NBAS: variants seen among roughly 807,000 people sequenced by gnomAD.
NBAS encodes NAG/BC035112 fusion.
A neutral mutation model predicts 302.5 loss-of-function variants in NBAS; 219 were observed. That is an observed-to-expected ratio of 0.72 (90% CI 0.65 to 0.81). The LOEUF is 0.81. Ranked by LOEUF, NBAS falls within the 30% of genes least tolerant of loss-of-function variation. The probability of loss-of-function intolerance (pLI) is 0.00; values close to 1 mark genes in which losing one functional copy is unlikely to be tolerated. For missense variants in NBAS, 2,932 were observed against 2,841.6 expected (o/e 1.03, Z -0.72); for synonymous variants, 1,118 against 1,021.6 (o/e 1.09, Z -1.80).
chr2:15,262,983 C>T (rs953932636), intron 44 of NBAS, among the ~76,000 whole-genome samples: 32 of 152,162 alleles, frequency 2.1e-4, no homozygotes, highest in African/African-American at 7.7e-4. Flanking sequence ...CACACATGCC[C>T]ACATTGCAGT....
At chr2:15,435,137 G>C (rs1677949346) in intron 21 of NBAS, among the ~76,000 whole-genome samples, 1 of 152,150 alleles carries the variant, frequency 6.6e-6, no homozygotes, top group Admixed American at 6.5e-5. Flanking sequence ...TTGTATCAGT[G>C]TTCATTATAA....
At chr2:14,935,936 C>G in the NBAS span, among the ~76,000 whole-genome samples, 2 of 152,202 alleles carry the variant, frequency 1.3e-5, no homozygotes, top group South Asian at 2.1e-4. Context: ...CAGAGTATGG[C>G]ACCAAGCAGG....
At chr2:15,028,030 T>C in the NBAS span, among the ~76,000 whole-genome samples, 5 of 152,328 alleles carry the variant, frequency 3.3e-5, no homozygotes, top group East Asian at 7.7e-4. Flanking sequence ...CTGGGACTTA[T>C]TGACTAATAT....
chr2:15,523,456 A>AC (rs1662774046), intron 9 of NBAS, among the ~76,000 whole-genome samples: 1 of 91,244 alleles, frequency 1.1e-5, no homozygotes, highest in African/African-American at 3.7e-5. Context: ...TATTACAAGT[A>AC]ATCTAGAGAT....
chr2:15,031,900 A>G, the NBAS span, among the ~76,000 whole-genome samples: 2 of 152,220 alleles, frequency 1.3e-5, no homozygotes, highest in Non-Finnish European at 2.9e-5. Context: ...TGAAAGCCCA[A>G]GAGACCTCAG....
the NBAS span, among the ~76,000 whole-genome samples, chr2:14,924,602 A>G: frequency 6.6e-6 from 1 of 152,252 alleles, no homozygotes; most frequent in African/African-American, 2.4e-5. Context: ...GTGATTTCAT[A>G]TATAATAATG....
rs576912470 is a variant in NBAS, at chr2:15,352,088, CAAG to C, written c.4090-10_4090-8del. ...TCACTCTTTGATAAAGAATCTAAAA[CAAG>C]AATAGGCTATATTGTAAAGGAGTTA... On this transcript the variant is annotated splice_region_variant and splice_polypyrimidine_tract_variant and intron_variant, in intron 34 of 51. Coordinates refer to ENST00000281513, the MANE Select transcript of NBAS (RefSeq NM_015909.4). The C allele has an allele frequency of 1.9e-4, 298 of 1,576,414 alleles. 2 individuals are homozygous for C. In the South Asian group the frequency reaches 3.1e-3, roughly 16 times the overall value.
At chr2:15,122,400 G>C in the NBAS span, among the ~76,000 whole-genome samples, 7 of 152,134 alleles carry the variant, frequency 4.6e-5, no homozygotes, top group African/African-American at 1.7e-4. Flanking sequence ...AGAGAAGGGG[G>C]AAGTCCCAGA....
chr2:15,012,815 A>G, the NBAS span, among the ~76,000 whole-genome samples: 1 of 152,224 alleles, frequency 6.6e-6, no homozygotes, highest in Non-Finnish European at 1.5e-5. Context: ...TACCCTTCAG[A>G]AATGAAGGAG....
At chr2:15,308,132 C>T (rs1041610274) in intron 40 of NBAS, 84 bp downstream of exon 40, 111 of 1,588,336 alleles carry the variant, frequency 7.0e-5, no homozygotes, top group Middle Eastern at 1.7e-4. Context: ...TAATCAGTTC[C>T]TCCAAAAATT....
intron 20 of NBAS, 79 bp from the exon 21 acceptor site, chr2:15,461,416 A>G: frequency 1.3e-6 from 2 of 1,498,224 alleles, no homozygotes; most frequent in South Asian, 2.3e-5. Context: ...ACATTCAAAA[A>G]CTAACTTTTT....
intron 48 of NBAS, among the ~76,000 whole-genome samples, chr2:15,211,676 G>C (rs779062547): frequency 4.6e-5 from 7 of 152,150 alleles, no homozygotes; most frequent in Admixed American, 4.6e-4. Context: ...TCACTGCTGA[G>C]ATCATTACAC....
At position 15,238,514 on chromosome 2, in the gene NBAS, T is replaced by G. The variant is rs150924243; in HGVS notation, c.5897A>C (p.Glu1966Ala). The G allele has an allele frequency of 1.2e-4, 194 of 1,614,192 alleles. No individual in the cohort carries two copies. Among genetic ancestry groups the G allele is most frequent in the Non-Finnish European group, 1.5e-4 (181 of 1,180,014 alleles). The change falls in exon 45 of 52, where the codon GAA (glutamate) becomes GCA (alanine). Residue 1966 changes from glutamate (E) to alanine (A), a missense_variant. Glu to Ala is a moderately radical substitution (Grantham distance 107). Coordinates refer to ENST00000281513, the MANE Select transcript of NBAS (RefSeq NM_015909.4). ...NHLEKSLAHL[E>A]TLSHSFILSL... Reference sequence around the variant, plus strand: ...AAGGATGAAGCTGTGGCTCAGGGTTTCCAGGTGGGCAAGTGATTTCTCCAG... The same window carrying G: ...AAGGATGAAGCTGTGGCTCAGGGTTGCCAGGTGGGCAAGTGATTTCTCCAG...
chr2:15,483,864 G>T (rs1282865467), intron 12 of NBAS, among the ~76,000 whole-genome samples: 3 of 152,146 alleles, frequency 2.0e-5, no homozygotes, highest in African/African-American at 7.2e-5. Context: ...TTTCTTCTCA[G>T]ACAACATTTA....
chr2:14,899,166 C>T, the NBAS span, among the ~76,000 whole-genome samples: 1 of 152,142 alleles, frequency 6.6e-6, no homozygotes, highest in African/African-American at 2.4e-5. Context: ...TTCTTAATGC[C>T]TGGACTCAAA....
At chr2:15,342,628 G>A (rs13403179) in intron 35 of NBAS, among the ~76,000 whole-genome samples, 1 of 151,788 alleles carries the variant, frequency 6.6e-6, no homozygotes, top group Non-Finnish European at 1.5e-5. Context: ...AAAGATCAGA[G>A]AATAGAAAGA....
At chr2:15,172,375 A>G (rs1051038589) in intron 51 of NBAS, among the ~76,000 whole-genome samples, 6 of 152,230 alleles carry the variant, frequency 3.9e-5, no homozygotes, top group East Asian at 1.9e-4. Flanking sequence ...GATTCTCTGT[A>G]TAACTGAAAT....
chr2:15,521,787 C>T (rs1662685328), intron 9 of NBAS, among the ~76,000 whole-genome samples: 1 of 152,066 alleles, frequency 6.6e-6, no homozygotes, highest in Non-Finnish European at 1.5e-5. Context: ...AAACTCCAGC[C>T]CCTCAAATCA....
chr2:15,529,385 C>G (rs1036225611), intron 9 of NBAS, among the ~76,000 whole-genome samples: 15 of 151,834 alleles, frequency 9.9e-5, no homozygotes, highest in Non-Finnish European at 1.5e-4. Context: ...CCCAGCTACT[C>G]GAGAGGCTCA....
Sources: allele counts gnomAD v4.1 joint callset (sites outside exome capture counted in the v4.1 genomes callset), GRCh38; gene constraint gnomAD v4.1.1; transcripts MANE v1.5; gene names NCBI Gene and HGNC (gene_info 2026-07-23, HGNC 2026-07-21).